The following LDLRAD4 variants were observed in gnomAD, a reference collection of about 807,000 sequenced individuals.
LDLRAD4 encodes low density lipoprotein receptor class A domain containing 4, also known as low-density lipoprotein receptor class A domain-containing protein 4.
In LDLRAD4, 5 loss-of-function variants were observed where a neutral mutation model predicts 17.0. The ratio of observed to expected loss-of-function variants is 0.29; its 90% CI spans 0.15 to 0.62. LDLRAD4 has a LOEUF of 0.62. Ranked by LOEUF, LDLRAD4 falls within the 20% of genes least tolerant of loss-of-function variation. LDLRAD4 has a pLI of 0.84. For missense variants in LDLRAD4, 340 were observed against 424.7 expected (o/e 0.80, Z 1.75); for synonymous variants, 168 against 171.8 (o/e 0.98, Z 0.17).
At chr18:13,276,607 G>T (rs185073959), upstream of LDLRAD4, among the ~76,000 whole-genome samples, 237 of 152,358 alleles carry the variant, frequency 1.6e-3, 2 homozygotes, top group Non-Finnish European at 2.7e-3. Flanking sequence ...GCTAGGGGCT[G>T]CTCTCAGGTC....
At position 13,535,084 on chromosome 18, in the gene LDLRAD4, G is replaced by A. The variant is rs147211789; in HGVS notation, c.182-86033G>A. Among the ~76,000 whole-genome samples, 264 of 152,226 alleles carry A rather than the reference G, an allele frequency of 1.7e-3. 1 individual carries two copies. The highest frequency in any genetic ancestry group is 6.0e-3 in the African/African-American group (248 of 41,530). ...TCTGTTCATCCACTCATCCATTGAC[G>A]GAACTGTTCATTGTTTCCAGTTTGG... On this transcript the variant is annotated intron_variant, in intron 3 of 5. Transcript: ENST00000359446.
intron 3 of LDLRAD4, among the ~76,000 whole-genome samples, chr18:13,482,126 A>G (rs2093103622): frequency 6.6e-6 from 1 of 151,784 alleles, no homozygotes; most frequent in Non-Finnish European, 1.5e-5. Context: ...CAGGAAGGAG[A>G]CCCAGTGGGG....
At chr18:13,254,751 C>G (rs2043411873) in intron 1 of LDLRAD4, among the ~76,000 whole-genome samples, 1 of 152,150 alleles carries the variant, frequency 6.6e-6, no homozygotes, top group Non-Finnish European at 1.5e-5. Context: ...TCATTTGAGC[C>G]CAAGAGTTTG....
At chr18:13,633,083 G>A (rs895116888) in intron 4 of LDLRAD4, among the ~76,000 whole-genome samples, 1 of 152,200 alleles carries the variant, frequency 6.6e-6, no homozygotes, top group African/African-American at 2.4e-5. Flanking sequence ...CTGTCAATGG[G>A]TAGCTCCTTT....
intron 4 of LDLRAD4, among the ~76,000 whole-genome samples, chr18:13,631,378 C>A (rs768393436): frequency 5.9e-5 from 9 of 152,176 alleles, no homozygotes; most frequent in East Asian, 1.9e-4. Flanking sequence ...CTAAAATCTC[C>A]AACCTGGACC....
chr18:13,372,345 A>G (rs1269499463), intron 1 of LDLRAD4, among the ~76,000 whole-genome samples: 1 of 152,104 alleles, frequency 6.6e-6, no homozygotes, highest in Non-Finnish European at 1.5e-5. Flanking sequence ...ACTTTTACCT[A>G]CCTTTTGAGA....
intron 3 of LDLRAD4, among the ~76,000 whole-genome samples, chr18:13,483,155 C>G (rs1057278048): frequency 1.3e-5 from 2 of 152,124 alleles, no homozygotes; most frequent in East Asian, 3.9e-4. Context: ...TTTCTGAGCG[C>G]ATGTTTTCAG....
At chr18:13,528,960 A>G (rs1181190934) in intron 3 of LDLRAD4, among the ~76,000 whole-genome samples, 1 of 152,238 alleles carries the variant, frequency 6.6e-6, no homozygotes, top group Admixed American at 6.5e-5. Context: ...TTGGGTAGCG[A>G]GAGCTTAGAT....
rs929106738 is a variant in LDLRAD4, at chr18:13,621,819, G to A, written c.336+548G>A. ...GTTGGCGGTGGGCTTGTCAGCGGTG[G>A]GCTTGTCGGCGGTAGGGTTGTCGGC... On this transcript the variant is annotated intron_variant, in intron 4 of 5. Transcript: ENST00000359446. This position sits in a 1 kb window ranked among gnomAD's most constrained non-coding sequence, Gnocchi z 5.5. 6.6e-6 allele frequency among the ~76,000 whole-genome samples: 1 copy of A among 151,736 alleles called. No individual in the cohort carries two copies. Among genetic ancestry groups the A allele is most frequent in the Non-Finnish European group, 1.5e-5 (1 of 67,876 alleles).
chr18:13,548,422 C>A (rs1215313406), intron 3 of LDLRAD4, among the ~76,000 whole-genome samples: 1 of 152,212 alleles, frequency 6.6e-6, no homozygotes, highest in South Asian at 2.1e-4. Flanking sequence ...TTTCAGCACC[C>A]CCTTGGCCTC....
At chr18:13,444,731 C>T (rs966200967) in intron 3 of LDLRAD4, among the ~76,000 whole-genome samples, 1 of 152,198 alleles carries the variant, frequency 6.6e-6, no homozygotes, top group African/African-American at 2.4e-5. Context: ...GTGCCTGCCA[C>T]GGTGCCTGGC....
chr18:13,509,710 T>C (rs934252716), intron 3 of LDLRAD4, among the ~76,000 whole-genome samples: 14 of 152,240 alleles, frequency 9.2e-5, no homozygotes, highest in African/African-American at 3.4e-4. Flanking sequence ...TGCTATCAAA[T>C]AGCATTGCAT....
chr18:13,245,014 G>A (rs1366079409), intron 1 of LDLRAD4, among the ~76,000 whole-genome samples: 2 of 152,216 alleles, frequency 1.3e-5, no homozygotes, highest in Non-Finnish European at 1.5e-5. Context: ...TGCACATGAG[G>A]TTCCTGGGGA....
upstream of LDLRAD4, among the ~76,000 whole-genome samples, chr18:13,275,032 C>A (rs2044776284): frequency 6.8e-6 from 1 of 146,058 alleles, no homozygotes; most frequent in Non-Finnish European, 1.5e-5. Flanking sequence ...ATAGCAAGAC[C>A]CTGTTTCAAA....
intron 3 of LDLRAD4, among the ~76,000 whole-genome samples, chr18:13,586,421 A>AAAAAAAAAAAAAAAAAAAAAAAAAAAAAC (rs2094935592): frequency 6.7e-6 from 1 of 148,380 alleles, no homozygotes; most frequent in South Asian, 2.1e-4. Flanking sequence ...AAAAAAAAAA[A>AAAAAAAAAAAAAAAAAAAAAAAAAAAAAC]GAATAGAAAC....
intron 3 of LDLRAD4, among the ~76,000 whole-genome samples, chr18:13,530,119 C>T (rs1426464200): frequency 6.6e-6 from 1 of 152,174 alleles, no homozygotes; most frequent in Non-Finnish European, 1.5e-5. Context: ...ATTAAATTTG[C>T]CCCCTACCTG....
At chr18:13,423,777 A>T (rs1418391992) in intron 2 of LDLRAD4, 1 of 152,488 alleles carries the variant, frequency 6.6e-6, no homozygotes, top group Non-Finnish European at 1.5e-5. Context: ...TTGAAATTTT[A>T]TGATTTCTTT....
chr18:13,429,099 G>T (rs2090147343), intron 2 of LDLRAD4, among the ~76,000 whole-genome samples: 2 of 152,160 alleles, frequency 1.3e-5, no homozygotes, highest in South Asian at 4.1e-4. Flanking sequence ...GGAGCTGAGA[G>T]GTGTGGAGAG....
At chr18:13,374,527 C>A (rs1412885394) in intron 1 of LDLRAD4, among the ~76,000 whole-genome samples, 1 of 152,352 alleles carries the variant, frequency 6.6e-6, no homozygotes, top group Admixed American at 6.5e-5. Context: ...TCTGCAGTCA[C>A]CACATCCCCG....
Sources: gnomAD v4.1 joint callset for allele counts (sites outside exome capture counted in the v4.1 genomes callset) on GRCh38, gnomAD v4.1.1 for gene constraint, Gnocchi (gnomAD v3.1) non-coding constraint, MANE v1.5 for transcripts, NCBI Gene and HGNC (gene_info 2026-07-23, HGNC 2026-07-21) for gene names.